Variants in KMT2D observed in about 807,000 individuals in gnomAD.
The protein encoded by KMT2D is histone-lysine N-methyltransferase 2D.
In KMT2D, 55 loss-of-function variants were observed where a neutral mutation model predicts 512.7. The observed-to-expected ratio is 0.11, with a 90% confidence interval of 0.09 to 0.13. KMT2D has a LOEUF of 0.13. Among genes scored for constraint, KMT2D ranks in the 10% least tolerant of loss-of-function variants. The pLI, the probability that KMT2D is intolerant of heterozygous loss-of-function variation, is 1.00. For missense variants in KMT2D, 6,061 were observed against 7,127.9 expected, an observed-to-expected ratio of 0.85 and a Z score of 5.39; for synonymous variants, 2,995 against 2,904.0, an observed-to-expected ratio of 1.03 and a Z score of -1.01.
Position 49,031,697 on chromosome 12 carries a change from G to C in KMT2D, c.13008C>G (p.Leu4336=). The change falls in exon 40 of 55, where the codon CTC becomes CTG. Residue 4336 remains leucine (L), a synonymous_variant. Coordinates refer to ENST00000301067, the MANE Select transcript of KMT2D (RefSeq NM_003482.4). ...TGGGGGTCCCTGGATGGGTGGGAGG[G>C]AGCTGGGCCTCAGTGGGAAGCTGGG... ...PSSQLPTEAQ[L]PPTHPGTPKP... The C allele has an allele frequency of 6.2e-7, 1 of 1,612,652 alleles. No individual in the cohort carries two copies. Among genetic ancestry groups the C allele is most frequent in the Non-Finnish European group, 8.5e-7 (1 of 1,179,380 alleles).
At chr12:49,058,380 AG>A (rs1938538249) in intron 1 of KMT2D, among the ~76,000 whole-genome samples, 1 of 152,230 alleles carries the variant, frequency 6.6e-6, no homozygotes, top group Non-Finnish European at 1.5e-5. Flanking sequence ...AATCTTTAAA[AG>A]GCAAAACCCC....
Position 49,026,980 on chromosome 12 carries a change from T to C in KMT2D, c.14986A>G (p.Ile4996Val). ...TCCTGCCGCCCACTGCCCTTCTGGA[T>C]GGTCAGCAGCAGCCGAAGCCGCTTC... ...RWKRLRLLLT[I>V]QKGSGRQEDE... The change falls in exon 49 of 55, where the codon ATC becomes GTC. Residue 4996 changes from isoleucine (I) to valine (V), a missense_variant. Physicochemically the swap from Ile to Val is conservative, Grantham distance 29. This residue lies in a region of KMT2D where 1,600 missense variants were observed against 1,754.9 expected (regional missense o/e 0.91). Transcript: ENST00000301067. The surrounding 1 kb of genome is among the most constrained non-coding windows in gnomAD (Gnocchi z 9.6). 1.2e-6 allele frequency: 2 copies of C among 1,614,012 alleles called. No homozygotes were observed. Among genetic ancestry groups the C allele is most frequent in the South Asian group, 1.1e-5 (1 of 91,086 alleles).
Position 49,033,919 on chromosome 12 carries a change from G to T in KMT2D, c.10786C>A (p.Arg3596=). ...TGCTGTTGTTGCTGCTGCTTGTTCC[G>T]ATATTCTGCCATGAGATTAGTGTGC... ...KEHTNLMAEY[R]NKQQQQQQQQ... The change falls in exon 40 of 55, where the codon CGG becomes AGG. Residue 3596 remains arginine (R), a synonymous_variant. Transcript: ENST00000301067. The T allele has an allele frequency of 6.5e-7, 1 of 1,538,470 alleles. No homozygotes were observed. Among genetic ancestry groups the T allele is most frequent in the Non-Finnish European group, 8.8e-7 (1 of 1,142,128 alleles).
rs754850680 is a variant in KMT2D at position 49,048,790 on chromosome 12, G to C, written c.4021-21C>G. Reference sequence around the variant, plus strand: ...GCAACCTGATGGGCAGAGAGTTATGGAAAGTGAGGCAGATAAATCTGCCCC... The same window carrying C: ...GCAACCTGATGGGCAGAGAGTTATGCAAAGTGAGGCAGATAAATCTGCCCC... On this transcript the variant is annotated intron_variant, in intron 13 of 54. Coordinates refer to ENST00000301067, the MANE Select transcript of KMT2D (RefSeq NM_003482.4). 6 of 1,504,384 alleles carry C rather than the reference G, an allele frequency of 4.0e-6. 1 individual carries two copies. In the South Asian group the frequency reaches 6.8e-5, roughly 17 times the overall value. The allele number at this position is 1,504,384 out of a possible 1,614,324, so 93.2% of individuals were successfully genotyped here. A position where few individuals can be genotyped will look rare whatever the true frequency, so the allele number is the denominator to read the frequency against.
At chr12:49,048,108 C>A (rs2120621643) in intron 14 of KMT2D, 39 bp from the exon 15 acceptor site, 1 of 1,354,298 alleles carries the variant, frequency 7.4e-7, no homozygotes, top group South Asian at 1.2e-5. Flanking sequence ...CCAACTAGAT[C>A]TCCCCATCCC....
chr12:49,038,462 T>G lies in KMT2D; in HGVS notation c.8894A>C (p.Asn2965Thr), dbSNP rs201316651. 28 of 1,608,570 alleles carry G rather than the reference T, an allele frequency of 1.7e-5. No individual in the cohort carries two copies. In the East Asian group the frequency reaches 6.3e-4, roughly 36 times the overall value. The change falls in exon 35 of 55, where the codon AAC becomes ACC. Residue 2965 changes from asparagine (N) to threonine (T), a missense_variant. Coordinates refer to ENST00000301067, the MANE Select transcript of KMT2D (RefSeq NM_003482.4). The surrounding 1 kb of genome is among the most constrained non-coding windows in gnomAD (Gnocchi z 5.7). ...PTLPTGLELV[N>T]RPPSSTELGR... is the part of the protein sequence containing the mutation. ...AAGCTCAGTGCTCGACGGGGGCCGG[T>G]TGACCAGCTCCAAACCAGTTGGCAG...
At position 49,053,543 on chromosome 12, in the gene KMT2D, TG is replaced by T. The variant is rs1938215417; in HGVS notation, c.771del (p.Asp257GlufsTer4). The part of the protein sequence containing the change: ...CGHHYHGACL[D>X]TALTARKRAG... ...GCACGTTTGCGGGCAGTCAGAGCAG[TG>T]TCCAGGCAGGCCCCGTGATAGTGAT... is the stretch of plus-strand genomic sequence containing the variant. On this transcript the variant is annotated frameshift_variant, in exon 7 of 55. Transcript: ENST00000301067. LOFTEE classifies it high-confidence loss of function. The T allele has an allele frequency of 6.2e-7, 1 of 1,602,726 alleles. No individual in the cohort carries two copies. Among genetic ancestry groups the T allele is most frequent in the African/African-American group, 1.3e-5 (1 of 74,638 alleles).
In KMT2D at chr12:49,031,893, G is replaced by C. The variant is rs1273051963; in HGVS notation, c.12812C>G (p.Thr4271Arg). ...PQLGGFPGPQ[T>R]GPLQELGAGP... ...TGCCCCTAGCTCCTGGAGGGGGCCT[G>C]TCTGTGGTCCAGGGAAGCCCCCAAG... The change falls in exon 40 of 55, where the codon ACA becomes AGA. Residue 4271 changes from threonine (T) to arginine (R), a missense_variant. Physicochemically the swap from Thr to Arg is moderately conservative, Grantham distance 71 (BLOSUM62 -1). This residue lies in a region of KMT2D where 1,600 missense variants were observed against 1,754.9 expected (regional missense o/e 0.91). Coordinates refer to ENST00000301067, the MANE Select transcript of KMT2D (RefSeq NM_003482.4). 4 of 1,533,896 alleles carry C rather than the reference G, an allele frequency of 2.6e-6. No homozygotes were observed. Among genetic ancestry groups the C allele is most frequent in the Non-Finnish European group, 3.5e-6 (4 of 1,142,270 alleles).
In KMT2D at chr12:49,039,623, C is replaced by G. The variant is rs1565791162; in HGVS notation, c.8047-6G>C. On this transcript the variant is annotated splice_polypyrimidine_tract_variant and splice_region_variant and intron_variant, in intron 32 of 54. Coordinates refer to ENST00000301067, the MANE Select transcript of KMT2D (RefSeq NM_003482.4). This position sits in a 1 kb window ranked among gnomAD's most constrained non-coding sequence, Gnocchi z 5.0. ...AGCTCTCGTAGTCGCTGGCGCTATG[C>G]AAAAAAAAGAGAAGAGGAATAAGCC... is the stretch of plus-strand genomic sequence containing the variant. 6.3e-7 allele frequency: 1 copy of G among 1,599,290 alleles called. No homozygotes were observed. The highest frequency in any genetic ancestry group is 2.2e-5 in the East Asian group (1 of 44,746).
rs2120607934 is a variant in KMT2D, at chr12:49,046,503, C to A, written c.4419-79G>T. On this transcript the variant is annotated intron_variant, in intron 16 of 54. Transcript: ENST00000301067. This position sits in a 1 kb window ranked among gnomAD's most constrained non-coding sequence, Gnocchi z 4.2. ...GAAGTCCCCTCACCGGAAACCCAAGCCACCAGCCTGGCCTCCTAAACCCAG... is the reference window on the plus strand; with the variant it reads ...GAAGTCCCCTCACCGGAAACCCAAGACACCAGCCTGGCCTCCTAAACCCAG... 1 of 1,584,692 alleles carries A rather than the reference C, an allele frequency of 6.3e-7. No individual in the cohort carries two copies. Among genetic ancestry groups the A allele is most frequent in the Non-Finnish European group, 8.6e-7 (1 of 1,161,964 alleles).
rs2120386677 is a variant in KMT2D, at chr12:49,028,849, T to C, written c.14361A>G (p.Thr4787=). 6.2e-7 allele frequency: 1 copy of C among 1,614,018 alleles called. No individual in the cohort carries two copies. Among genetic ancestry groups the C allele is most frequent in the Non-Finnish European group, 8.5e-7 (1 of 1,179,890 alleles). The change falls in exon 46 of 55, where the codon ACA becomes ACG. Residue 4787 remains threonine (T), a synonymous_variant. Coordinates refer to ENST00000301067, the MANE Select transcript of KMT2D (RefSeq NM_003482.4). ...ACACCTTGGCTGCAGCAGCAGAGAC[T>C]GTGAGCATGACTGACACCTCACTTC... The part of the protein sequence containing the change: ...GKGSEVSVML[T]VSAAAAKNLN...
In KMT2D at chr12:49,022,616, G is replaced by A. The variant is rs1314343736; in HGVS notation, c.16312C>T (p.Arg5438Trp). 2.5e-6 allele frequency: 4 copies of A among 1,613,762 alleles called. No individual in the cohort carries two copies. The highest frequency in any genetic ancestry group is 3.4e-6 in the Non-Finnish European group (4 of 1,179,730). The change falls in exon 52 of 55, where the codon CGG (arginine) becomes TGG (tryptophan). Residue 5438 changes from arginine to tryptophan, a missense_variant. By Grantham distance (101) the Arg-to-Trp change is moderately radical. Transcript: ENST00000301067. This position sits in a 1 kb window ranked among gnomAD's most constrained non-coding sequence, Gnocchi z 8.6. ...GTIIRNEVANRREKIYEEQNR... is the reference protein window; with the variant it reads ...GTIIRNEVANWREKIYEEQNR... ...TGCTCTTCGTAGATTTTCTCCCGCCGGTTGGCCACCTCGTTCCGAATGATG... is the reference window on the plus strand; with the variant it reads ...TGCTCTTCGTAGATTTTCTCCCGCCAGTTGGCCACCTCGTTCCGAATGATG...
In KMT2D at chr12:49,039,041, G is replaced by C. The variant is rs1221540786; in HGVS notation, c.8367-52C>G. ...GATGAAATCAGATGAAAAGGAGCAA[G>C]AACATGGGCTTAGGGCAGTGAGGAA... On this transcript the variant is annotated intron_variant, in intron 34 of 54. Coordinates refer to ENST00000301067, the MANE Select transcript of KMT2D (RefSeq NM_003482.4). The surrounding 1 kb of genome is among the most constrained non-coding windows in gnomAD (Gnocchi z 5.0). 1 of 1,540,916 alleles carries C rather than the reference G, an allele frequency of 6.5e-7. No individual in the cohort carries two copies. The highest frequency in any genetic ancestry group is 8.8e-7 in the Non-Finnish European group (1 of 1,134,710).
Position 49,054,808 on chromosome 12 carries a change from C to T in KMT2D, c.177-57G>A, listed in dbSNP as rs933609667. The T allele has an allele frequency of 1.9e-6, 3 of 1,605,300 alleles. No homozygotes were observed. The highest frequency in any genetic ancestry group is 2.7e-5 in the African/African-American group (2 of 74,746). Reference sequence around the variant, plus strand: ...GGCCCCCAGCAACCCCATGATCTGGCATGCCCATGCTTCCCCAACACTCAT... The same window carrying T: ...GGCCCCCAGCAACCCCATGATCTGGTATGCCCATGCTTCCCCAACACTCAT... On this transcript the variant is annotated intron_variant, in intron 3 of 54. Coordinates refer to ENST00000301067, the MANE Select transcript of KMT2D (RefSeq NM_003482.4). The surrounding 1 kb of genome is among the most constrained non-coding windows in gnomAD (Gnocchi z 6.4).
At position 49,020,739 on chromosome 12, in the gene KMT2D, C is replaced by A. The variant is rs563489548; in HGVS notation, c.*1041G>T. The A allele has an allele frequency of 1.4e-3, 284 of 210,296 alleles. No homozygotes were observed. The highest frequency in any genetic ancestry group is 2.4e-3 in the Non-Finnish European group (244 of 103,160). The allele number at this position is 210,296 out of a possible 1,614,324, so 13.0% of individuals were successfully genotyped here. ...ACTCAGGGATAGCCCTCACCCTACC[C>A]CCCACCCAACCCGTCCAGGGGCTGG... On this transcript the variant is annotated 3_prime_UTR_variant, in exon 55 of 55. Transcript: ENST00000301067.
chr12:49,060,273 G>T lies in KMT2D; in HGVS notation c.-698C>A, dbSNP rs1006162222. Among the ~76,000 whole-genome samples the T allele has an allele frequency of 6.6e-6, 1 of 152,094 alleles. No individual in the cohort carries two copies. Among genetic ancestry groups the T allele is most frequent in the Non-Finnish European group, 1.5e-5 (1 of 67,976 alleles). On this transcript the variant is annotated 5_prime_UTR_variant, in exon 1 of 55. Coordinates refer to ENST00000301067, the MANE Select transcript of KMT2D (RefSeq NM_003482.4). Reference sequence around the variant, plus strand: ...GCCCCCCACCTTCTGCTCCCCCCGGGGAAGGGAGGAGGCTAGGTAGGCGAG... The same window carrying T: ...GCCCCCCACCTTCTGCTCCCCCCGGTGAAGGGAGGAGGCTAGGTAGGCGAG...
rs1320272329 is a variant in KMT2D at position 49,031,969 on chromosome 12, G to C, written c.12736C>G (p.Pro4246Ala). Reference sequence around the variant, plus strand: ...TGGAGGGGAGAGGTCTGGGTCCCAGGCTCCTGGTAGGGTGGGGTCTGGCGT... The same window carrying C: ...TGGAGGGGAGAGGTCTGGGTCCCAGCCTCCTGGTAGGGTGGGGTCTGGCGT... ...AVRQTPPYQE[P>A]GTQTSPLQGL... The change falls in exon 40 of 55, where the codon CCT becomes GCT. Residue 4246 changes from proline to alanine, a missense_variant. Physicochemically the swap from Pro to Ala is conservative, Grantham distance 27. This residue lies in a region of KMT2D where 1,600 missense variants were observed against 1,754.9 expected (regional missense o/e 0.91). Transcript: ENST00000301067. The C allele has an allele frequency of 3.8e-6, 6 of 1,569,758 alleles. No homozygotes were observed. In the South Asian group the frequency reaches 7.1e-5, roughly 19 times the overall value.
intron 13 of KMT2D, 83 bp downstream of exon 13, chr12:49,049,022 G>A: frequency 1.1e-6 from 1 of 886,192 alleles, no homozygotes. Flanking sequence ...CAGGCAGGTA[G>A]GCAAGCATGC....
chr12:49,039,649 C>T lies in KMT2D; in HGVS notation c.8047-32G>A, dbSNP rs750954442. 5 of 1,602,830 alleles carry T rather than the reference C, an allele frequency of 3.1e-6. No homozygotes were observed. In the East Asian group the frequency reaches 1.1e-4, roughly 36 times the overall value. On this transcript the variant is annotated intron_variant, in intron 32 of 54. Transcript: ENST00000301067. The surrounding 1 kb of genome is among the most constrained non-coding windows in gnomAD (Gnocchi z 5.0). ...AAAAAAAAGAGAAGAGGAATAAGCC[C>T]ATTCTACTCCAATCATAGGGCTGCC...
Sources: allele counts gnomAD v4.1 joint callset (sites outside exome capture counted in the v4.1 genomes callset), GRCh38; gene constraint gnomAD v4.1.1; regional missense constraint gnomAD v4.1.1; non-coding constraint Gnocchi (gnomAD v3.1); transcripts MANE v1.5; gene names NCBI Gene and HGNC (gene_info 2026-07-23, HGNC 2026-07-21).